RBMS2: variants seen among roughly 807,000 people sequenced by gnomAD.
RBMS2 encodes the protein RNA-binding motif, single-stranded-interacting protein 2.
Under a neutral mutation model 58.4 loss-of-function variants are expected in RBMS2, and 38 were observed. The ratio of observed to expected loss-of-function variants is 0.65; its 90% CI spans 0.50 to 0.85. The LOEUF (loss-of-function observed/expected upper bound fraction) is 0.85, where lower values mean the gene tolerates loss of function less well. RBMS2 is among the 40% of genes least tolerant of loss of function. The pLI, the probability that RBMS2 is intolerant of heterozygous loss-of-function variation, is 0.00. For missense variants in RBMS2, 367 were observed against 503.7 expected (o/e 0.73, Z 2.60); for synonymous variants, 151 against 180.7 (o/e 0.84, Z 1.32).
At chr12:56,534,731 T>A (rs1874428553) in intron 1 of RBMS2, among the ~76,000 whole-genome samples, 1 of 152,178 alleles carries the variant, frequency 6.6e-6, no homozygotes, top group South Asian at 2.1e-4. Flanking sequence ...AACCTCCGCC[T>A]CCCAGCTTCA....
chr12:56,594,523 C>CT lies in RBMS2; in HGVS notation c.*5391dup, dbSNP rs1326218949. The CT allele has an allele frequency of 1.3e-5, 2 of 152,328 alleles. No individual in the cohort carries two copies. Among genetic ancestry groups the CT allele is most frequent in the Non-Finnish European group, 2.9e-5 (2 of 68,036 alleles). 9.4% of individuals were successfully genotyped at this position (152,328 alleles called of 1,614,324 possible). On this transcript the variant is annotated 3_prime_UTR_variant, in exon 14 of 14. Transcript: ENST00000262031. ...CTGATTCCCGTTTAAACCAACTACT[C>CT]TATTTCTGTGCTGCCTACATTTTCA...
chr12:56,580,470 T>G, intron 5 of RBMS2: 1 of 247,552 alleles, frequency 4.0e-6, no homozygotes, highest in East Asian at 1.6e-4. Context: ...TGACCTCAAG[T>G]GATCTGCCTG....
intron 2 of RBMS2, among the ~76,000 whole-genome samples, chr12:56,566,749 C>CGGAG (rs1190614055): frequency 1.3e-5 from 2 of 152,028 alleles, no homozygotes; most frequent in East Asian, 1.9e-4. Context: ...ACCCGGGAGG[C>CGGAG]GGAGGTTGCA....
At chr12:56,575,991 A>G (rs1883075647) in intron 5 of RBMS2, among the ~76,000 whole-genome samples, 1 of 152,122 alleles carries the variant, frequency 6.6e-6, no homozygotes, top group Non-Finnish European at 1.5e-5. Context: ...TTAAATGGAA[A>G]AGTCCAGAAA....
At chr12:56,568,830 C>G (rs1881810084) in intron 2 of RBMS2, 145 bp from the exon 3 acceptor site, 2 of 688,468 alleles carry the variant, frequency 2.9e-6, no homozygotes, top group Admixed American at 3.0e-5. Context: ...GCACCCGGCC[C>G]CCGTTTCTTT....
rs932984964 is a variant in RBMS2, at chr12:56,593,809, A to C, written c.*4676A>C. The C allele has an allele frequency of 6.6e-6, 1 of 152,496 alleles. No homozygotes were observed. The highest frequency in any genetic ancestry group is 1.5e-5 in the Non-Finnish European group (1 of 68,264). 9.4% of individuals were successfully genotyped at this position (152,496 alleles called of 1,614,324 possible). ...TGATCCACCTGCCTTGGCCTCCCAA[A>C]GTGCTGGGATTACAGGCGTGAGCCA... is the stretch of plus-strand genomic sequence containing the variant. On this transcript the variant is annotated 3_prime_UTR_variant, in exon 14 of 14. Transcript: ENST00000262031.
chr12:56,541,268 TTAAG>T, intron 1 of RBMS2, among the ~76,000 whole-genome samples: 1 of 152,056 alleles, frequency 6.6e-6, no homozygotes, highest in South Asian at 2.1e-4. Context: ...CAGTGAAAAA[TTAAG>T]TTAGTTATAT....
Position 56,595,136 on chromosome 12 carries a change from T to C in RBMS2, c.*6003T>C, listed in dbSNP as rs1225484000. On this transcript the variant is annotated 3_prime_UTR_variant, in exon 14 of 14. Coordinates refer to ENST00000262031, the MANE Select transcript of RBMS2 (RefSeq NM_002898.4). Reference sequence around the variant, plus strand: ...CCAGCATAGGAGCAGAGTTTAGAACTTAAGAGGACAAGAAAGCTGCTCAGT... The same window carrying C: ...CCAGCATAGGAGCAGAGTTTAGAACCTAAGAGGACAAGAAAGCTGCTCAGT... 6.6e-6 allele frequency: 1 copy of C among 152,186 alleles called. No homozygotes were observed. The highest frequency in any genetic ancestry group is 1.5e-5 in the Non-Finnish European group (1 of 68,048). 9.4% of individuals were successfully genotyped at this position (152,186 alleles called of 1,614,324 possible).
At chr12:56,546,462 A>G (rs1360646559) in intron 1 of RBMS2, among the ~76,000 whole-genome samples, 1 of 145,270 alleles carries the variant, frequency 6.9e-6, no homozygotes, top group Admixed American at 7.2e-5. Flanking sequence ...AATAATATAA[A>G]ATAAATGTAT....
At chr12:56,565,006 C>T (rs541200242) in intron 2 of RBMS2, among the ~76,000 whole-genome samples, 2 of 152,032 alleles carry the variant, frequency 1.3e-5, no homozygotes, top group African/African-American at 2.4e-5. Context: ...AGCAAGACTT[C>T]GTCTCAAAAT....
upstream of RBMS2, among the ~76,000 whole-genome samples, chr12:56,521,502 G>GTTTTTTTTTTTGTT (rs1871717124): frequency 1.4e-5 from 1 of 73,168 alleles, no homozygotes; most frequent in Non-Finnish European, 2.4e-5. Context: ...CTCTAACTCT[G>GTTTTTTTTTTTGTT]TTTTTTTTTT....
intron 1 of RBMS2, among the ~76,000 whole-genome samples, chr12:56,540,618 GATCCTC>G (rs1405529753): frequency 6.6e-6 from 1 of 152,124 alleles, no homozygotes; most frequent in Non-Finnish European, 1.5e-5. Flanking sequence ...GGCTTCAAGT[GATCCTC>G]CCACCTCAGT....
intron 1 of RBMS2, among the ~76,000 whole-genome samples, chr12:56,554,922 T>A (rs2136368173): frequency 6.6e-6 from 1 of 152,290 alleles, no homozygotes; most frequent in Admixed American, 6.6e-5. Context: ...ATAATTTATG[T>A]AACCAGTTTT....
At chr12:56,580,256 A>C (rs1477204925) in intron 5 of RBMS2, 6 of 328,436 alleles carry the variant, frequency 1.8e-5, no homozygotes, top group Non-Finnish European at 3.4e-5. Context: ...TTTTTAACAC[A>C]GATTCTCGCC....
At chr12:56,575,525 C>A (rs1186211521) in intron 5 of RBMS2, among the ~76,000 whole-genome samples, 2 of 151,464 alleles carry the variant, frequency 1.3e-5, no homozygotes, top group Non-Finnish European at 2.9e-5. Context: ...GCCCATAGGA[C>A]CCCCAGCCAC....
chr12:56,579,797 C>G (rs1883659181), intron 5 of RBMS2, among the ~76,000 whole-genome samples: 1 of 151,966 alleles, frequency 6.6e-6, no homozygotes, highest in South Asian at 2.1e-4. Context: ...TATATAGTCC[C>G]TTATAATTTG....
rs1565796860 is a variant in RBMS2 at position 56,595,619 on chromosome 12, G to GT, written c.*6487dup. On this transcript the variant is annotated 3_prime_UTR_variant, in exon 14 of 14. Transcript: ENST00000262031. ...AAGTCTACGTCTTGGTGTCTTATCCGTGAGTGGGAAGTGGTAAGCTGGTGA... is the reference window on the plus strand; with the variant it reads ...AAGTCTACGTCTTGGTGTCTTATCCGTTGAGTGGGAAGTGGTAAGCTGGTGA... The GT allele has an allele frequency of 6.6e-6, 1 of 150,780 alleles. No individual in the cohort carries two copies. The highest frequency in any genetic ancestry group is 1.5e-5 in the Non-Finnish European group (1 of 67,872). 9.3% of individuals were successfully genotyped at this position (150,780 alleles called of 1,614,324 possible). A position where few individuals can be genotyped will look rare whatever the true frequency, so the allele number is the denominator to read the frequency against.
chr12:56,553,778 A>G (rs945037758), intron 1 of RBMS2, among the ~76,000 whole-genome samples: 3 of 151,904 alleles, frequency 2.0e-5, no homozygotes, highest in African/African-American at 7.2e-5. Flanking sequence ...AGAGTCTGTA[A>G]AAATTGAGTC....
At chr12:56,585,015 G>A (rs528223476) in intron 9 of RBMS2, among the ~76,000 whole-genome samples, 164 of 152,058 alleles carry the variant, frequency 1.1e-3, no homozygotes, top group African/African-American at 3.6e-3. Flanking sequence ...TAGAGATGGG[G>A]TTTCTCTGTG....
Sources: gnomAD v4.1 joint callset for allele counts (sites outside exome capture counted in the v4.1 genomes callset) on GRCh38, gnomAD v4.1.1 for gene constraint, MANE v1.5 for transcripts, NCBI Gene and HGNC (gene_info 2026-07-23, HGNC 2026-07-21) for gene names.